The following CADM2 variants were observed in gnomAD, a reference collection of about 807,000 sequenced individuals.
CADM2 encodes the protein immunoglobulin superfamily member 4D.
In CADM2, 12 loss-of-function variants were observed where a neutral mutation model predicts 49.8. The ratio of observed to expected loss-of-function variants is 0.24; its 90% confidence interval spans 0.15 to 0.39. CADM2 has a LOEUF of 0.39. Among genes scored for constraint, CADM2 ranks in the 10% least tolerant of loss-of-function variants. The pLI is 1.00. For synonymous variants in CADM2, 214 were observed against 175.4 expected, an observed-to-expected ratio of 1.22 and a Z score of -1.74; for missense variants, 378 against 492.3, an observed-to-expected ratio of 0.77 and a Z score of 2.20.
intron 8 of CADM2, among the ~76,000 whole-genome samples, chr3:86,062,705 C>T (rs751439070): frequency 2.0e-5 from 3 of 152,092 alleles, no homozygotes; most frequent in African/African-American, 4.8e-5. Context: ...GCAGTAGAAT[C>T]GCTTGTCCCT....
intron 1 of CADM2, among the ~76,000 whole-genome samples, chr3:85,157,675 A>C (rs1238278267): frequency 6.6e-6 from 1 of 151,848 alleles, no homozygotes; most frequent in Non-Finnish European, 1.5e-5. Flanking sequence ...CTTACACCTT[A>C]TACAAAAATC....
In CADM2 at chr3:85,598,826, A is replaced by G. The variant is rs1472853788; in HGVS notation, c.62-127696A>G. Among the ~76,000 whole-genome samples, 51 of 146,410 alleles carry G rather than the reference A, an allele frequency of 3.5e-4. No homozygotes were observed. The Admixed American group carries it at 3.7e-3, about 10-fold the overall frequency. ...ATCTATATAGTGTATACATTTGCATACCATGCATATACTTAAGTGTGTGTG... is the reference window on the plus strand; with the variant it reads ...ATCTATATAGTGTATACATTTGCATGCCATGCATATACTTAAGTGTGTGTG... On this transcript the variant is annotated intron_variant, in intron 1 of 9. Coordinates refer to ENST00000383699, the MANE Select transcript of CADM2 (RefSeq NM_001167675.2).
intron 1 of CADM2, among the ~76,000 whole-genome samples, chr3:85,491,133 T>A (rs1429805677): frequency 6.6e-6 from 1 of 152,196 alleles, no homozygotes; most frequent in Non-Finnish European, 1.5e-5. Flanking sequence ...TACATTGCCC[T>A]GAGACATGAC....
At chr3:85,924,786 TG>T (rs1380927663) in intron 6 of CADM2, among the ~76,000 whole-genome samples, 1 of 152,130 alleles carries the variant, frequency 6.6e-6, no homozygotes, top group Non-Finnish European at 1.5e-5. Context: ...CTGCCAAACA[TG>T]TCTTCTTAAA....
chr3:85,045,251 T>C (rs1158592994), intron 1 of CADM2, among the ~76,000 whole-genome samples: 3 of 152,174 alleles, frequency 2.0e-5, no homozygotes, highest in African/African-American at 7.2e-5. Flanking sequence ...GGAATTCTTG[T>C]TTCTTTCTAG....
chr3:85,353,108 T>C (rs2031510144), intron 1 of CADM2, among the ~76,000 whole-genome samples: 1 of 152,180 alleles, frequency 6.6e-6, no homozygotes, highest in African/African-American at 2.4e-5. Flanking sequence ...AAATGATTTG[T>C]TGCAGCTTGG....
intron 1 of CADM2, among the ~76,000 whole-genome samples, chr3:85,131,123 G>C (rs538066225): frequency 9.9e-5 from 15 of 151,924 alleles, no homozygotes; most frequent in African/African-American, 3.6e-4. Context: ...AGGTAGCAGC[G>C]AGCCAAGATC....
At chr3:85,399,157 A>T (rs947483769) in intron 1 of CADM2, among the ~76,000 whole-genome samples, 8 of 151,318 alleles carry the variant, frequency 5.3e-5, no homozygotes, top group Non-Finnish European at 3.0e-5. Context: ...AAGTTGAATT[A>T]ATTTTTGTAT....
intron 1 of CADM2, among the ~76,000 whole-genome samples, chr3:85,183,483 G>C (rs889080335): frequency 1.3e-5 from 2 of 152,204 alleles, no homozygotes; most frequent in East Asian, 3.9e-4. Flanking sequence ...ATGTAGCTGA[G>C]TGCTGAGAGG....
intron 2 of CADM2, among the ~76,000 whole-genome samples, chr3:85,758,947 GAACTTAAAAT>G (rs1398694680): frequency 6.6e-6 from 1 of 151,934 alleles, no homozygotes; most frequent in Non-Finnish European, 1.5e-5. Flanking sequence ...TGGGGACACA[GAACTTAAAAT>G]AACTAATTCA....
At chr3:86,007,567 A>C in intron 8 of CADM2, among the ~76,000 whole-genome samples, 1 of 152,136 alleles carries the variant, frequency 6.6e-6, no homozygotes, top group Admixed American at 6.6e-5. Flanking sequence ...TACTAGGTTT[A>C]CCTCTTTTTG....
intron 1 of CADM2, among the ~76,000 whole-genome samples, chr3:85,688,070 C>A (rs1049227140): frequency 4.6e-5 from 7 of 152,076 alleles, no homozygotes; most frequent in African/African-American, 1.7e-4. Context: ...GCAACCCACC[C>A]AATGTATGTG....
intron 1 of CADM2, among the ~76,000 whole-genome samples, chr3:85,122,641 TATGTGTA>T: frequency 6.6e-6 from 1 of 152,142 alleles, no homozygotes; most frequent in Non-Finnish European, 1.5e-5. Flanking sequence ...TATTCATATA[TATGTGTA>T]CATATATATG....
intron 1 of CADM2, among the ~76,000 whole-genome samples, chr3:85,619,126 AACAG>A (rs1273414489): frequency 2.0e-5 from 3 of 152,130 alleles, no homozygotes; most frequent in Non-Finnish European, 1.5e-5. Flanking sequence ...ACAGTGGAAA[AACAG>A]ACAGGGTATT....
chr3:85,014,029 T>C (rs943261963), intron 1 of CADM2, among the ~76,000 whole-genome samples: 15 of 139,376 alleles, frequency 1.1e-4, no homozygotes, highest in Middle Eastern at 8.4e-3. Context: ...ATACGCAGTG[T>C]AATAATATTG....
At chr3:85,227,727 G>A (rs1452946393) in intron 1 of CADM2, among the ~76,000 whole-genome samples, 3 of 152,100 alleles carry the variant, frequency 2.0e-5, no homozygotes, top group Admixed American at 2.0e-4. Context: ...TTTCTTCATA[G>A]TGTCGATGGT....
chr3:85,054,005 T>G (rs562317105), intron 1 of CADM2, among the ~76,000 whole-genome samples: 1 of 152,122 alleles, frequency 6.6e-6, no homozygotes, highest in African/African-American at 2.4e-5. Flanking sequence ...AATTTCAAAA[T>G]GCTTTATTTA....
At position 86,037,101 on chromosome 3, in the gene CADM2, A is replaced by G. The variant is rs535616081; in HGVS notation, c.971-28504A>G. Among the ~76,000 whole-genome samples the G allele has an allele frequency of 5.6e-4, 85 of 152,206 alleles. 1 individual carries two copies. The South Asian group carries it at 6.4e-3, about 12-fold the overall frequency. On this transcript the variant is annotated intron_variant, in intron 8 of 9. Coordinates refer to ENST00000383699, the MANE Select transcript of CADM2 (RefSeq NM_001167675.2). The stretch of plus-strand genomic sequence containing the variant: ...TGTTTCTTATACATTCAATACACTG[A>G]TTTTAAGTTGAGTATACAGTTGCTG...
chr3:86,031,769 G>T (rs1365336990), intron 8 of CADM2, among the ~76,000 whole-genome samples: 5 of 151,712 alleles, frequency 3.3e-5, no homozygotes, highest in Non-Finnish European at 7.4e-5. Context: ...AATATATTCA[G>T]TCAGTGAGAT....
Sources: allele counts gnomAD v4.1 joint callset (sites outside exome capture counted in the v4.1 genomes callset), GRCh38; gene constraint gnomAD v4.1.1; transcripts MANE v1.5; gene names NCBI Gene and HGNC (gene_info 2026-07-23, HGNC 2026-07-21).